HAPSTR1: variants seen among roughly 807,000 people sequenced by gnomAD.
HAPSTR1 encodes the protein HUWE1 associated protein modifying stress responses.
the HAPSTR1 span, chr16:9,116,603 A>G: frequency 1.9e-6 from 3 of 1,565,206 alleles, no homozygotes; most frequent in Admixed American, 3.5e-5. Context: ...CATGGAAAGT[A>G]AGTGGGTTGC....
At chr16:9,100,846 C>T in the HAPSTR1 span, among the ~76,000 whole-genome samples, 1 of 152,174 alleles carries the variant, frequency 6.6e-6, no homozygotes, top group Non-Finnish European at 1.5e-5. Flanking sequence ...TCTTTCTTTG[C>T]ACTCTCCAAG....
the HAPSTR1 span, chr16:9,108,252 G>A: frequency 3.9e-5 from 6 of 152,248 alleles, no homozygotes; most frequent in South Asian, 1.2e-3. Context: ...AAGATATGGA[G>A]CAGGTTAGTA....
the HAPSTR1 span, chr16:9,110,039 C>T: frequency 9.2e-5 from 14 of 152,146 alleles, no homozygotes; most frequent in Non-Finnish European, 1.5e-5. Context: ...ATAATCTCCT[C>T]AAGCAATTTC....
the HAPSTR1 span, chr16:9,107,914 G>T: frequency 4.5e-4 from 68 of 152,096 alleles, no homozygotes; most frequent in African/African-American, 1.5e-3. Flanking sequence ...CCTGACATAG[G>T]TGTAGTCTGA....
chr16:9,104,247 G>C, the HAPSTR1 span: 1 of 151,968 alleles, frequency 6.6e-6, no homozygotes, highest in Non-Finnish European at 1.5e-5. Context: ...CCGAGTAGCT[G>C]GGATTACAGG....
At chr16:9,097,059 C>T in the HAPSTR1 span, among the ~76,000 whole-genome samples, 1 of 152,050 alleles carries the variant, frequency 6.6e-6, no homozygotes, top group South Asian at 2.1e-4. Context: ...CCTGCCTCAG[C>T]CTCCCCAGTA....
the HAPSTR1 span, chr16:9,116,913 A>C: frequency 6.2e-7 from 1 of 1,613,016 alleles, no homozygotes; most frequent in South Asian, 1.1e-5. Flanking sequence ...AATGATCTAA[A>C]CTGCAAACAT....
the HAPSTR1 span, among the ~76,000 whole-genome samples, chr16:9,113,680 C>T: frequency 1.3e-5 from 2 of 152,098 alleles, no homozygotes; most frequent in African/African-American, 2.4e-5. Context: ...ATAATAATTA[C>T]CTTTTGGATT....
the HAPSTR1 span, chr16:9,112,973 T>C: frequency 2.6e-5 from 4 of 151,844 alleles, no homozygotes; most frequent in African/African-American, 9.7e-5. Context: ...TTTGTAGAAA[T>C]TAAGTTGTAT....
the HAPSTR1 span, among the ~76,000 whole-genome samples, chr16:9,096,753 C>T: frequency 1.3e-5 from 2 of 152,090 alleles, no homozygotes; most frequent in Admixed American, 6.6e-5. Flanking sequence ...TTCTATTTAA[C>T]TTTTCATGCC....
At chr16:9,100,768 C>G in the HAPSTR1 span, among the ~76,000 whole-genome samples, 4 of 152,106 alleles carry the variant, frequency 2.6e-5, no homozygotes, top group Non-Finnish European at 4.4e-5. Flanking sequence ...CTCCTGACTT[C>G]AGGTGATCCA....
chr16:9,098,582 G>C, the HAPSTR1 span, among the ~76,000 whole-genome samples: 8 of 152,118 alleles, frequency 5.3e-5, no homozygotes, highest in African/African-American at 1.9e-4. Flanking sequence ...TGAGGCTGAG[G>C]GGAGAGGTTC....
chr16:9,093,378 T>C, the HAPSTR1 span, among the ~76,000 whole-genome samples: 1 of 152,182 alleles, frequency 6.6e-6, no homozygotes, highest in African/African-American at 2.4e-5. Context: ...AGCGTTGAGC[T>C]GGAAGACGGC....
At chr16:9,110,728 A>C in the HAPSTR1 span, 1 of 152,250 alleles carries the variant, frequency 6.6e-6, no homozygotes, top group African/African-American at 2.4e-5. Context: ...TGTTTTGGTT[A>C]AGTATCTTAA....
the HAPSTR1 span, among the ~76,000 whole-genome samples, chr16:9,095,183 T>C: frequency 1.3e-5 from 2 of 152,180 alleles, no homozygotes; most frequent in African/African-American, 4.8e-5. Context: ...AAATGGTAAG[T>C]TGTGTCTTGT....
the HAPSTR1 span, chr16:9,091,761 C>T: frequency 2.0e-4 from 75 of 377,752 alleles, no homozygotes; most frequent in African/African-American, 8.3e-4. Context: ...AGACAGGCTG[C>T]GGCGGCCGAG....
At chr16:9,119,928 C>T in the HAPSTR1 span, 1 of 152,202 alleles carries the variant, frequency 6.6e-6, no homozygotes, top group African/African-American at 2.4e-5. Context: ...ACATCCAACC[C>T]AGAGGGCTAG....
the HAPSTR1 span, among the ~76,000 whole-genome samples, chr16:9,114,450 G>A: frequency 6.6e-6 from 1 of 152,184 alleles, no homozygotes; most frequent in Non-Finnish European, 1.5e-5. Flanking sequence ...CATAAGGGAG[G>A]TGCTGGGGAA....
the HAPSTR1 span, among the ~76,000 whole-genome samples, chr16:9,114,024 G>C: frequency 6.6e-6 from 1 of 152,200 alleles, no homozygotes; most frequent in Non-Finnish European, 1.5e-5. Flanking sequence ...ACTGTGCTTA[G>C]GTCATTAGAT....
Sources: gnomAD v4.1 joint callset for allele counts (sites outside exome capture counted in the v4.1 genomes callset) on GRCh38, gnomAD v4.1.1 for gene constraint, MANE v1.5 for transcripts, NCBI Gene and HGNC (gene_info 2026-07-23, HGNC 2026-07-21) for gene names.